ZEB2: variants seen among roughly 807,000 people sequenced by gnomAD.
ZEB2 encodes the protein zinc finger E-box binding homeobox 2.
A neutral mutation model predicts 99.9 loss-of-function variants in ZEB2; 6 were observed. The observed-to-expected ratio is 0.06, with a 90% CI of 0.03 to 0.12. The LOEUF is 0.12. Ranked by LOEUF, ZEB2 falls within the 10% of genes least tolerant of loss-of-function variation. The probability of loss-of-function intolerance (pLI) is 1.00; values close to 1 mark genes in which losing one functional copy is unlikely to be tolerated. For synonymous variants in ZEB2, 517 were observed against 542.5 expected, an observed-to-expected ratio of 0.95 and a Z score of 0.65; for missense variants, 969 against 1,502.8, an observed-to-expected ratio of 0.64 and a Z score of 5.87.
chr2:144,491,121 C>T (rs891534402), intron 2 of ZEB2, among the ~76,000 whole-genome samples: 4 of 152,214 alleles, frequency 2.6e-5, no homozygotes, highest in Admixed American at 6.5e-5. Context: ...ATTGGCAGGG[C>T]CTCTGGCCCT....
chr2:144,437,521 C>T (rs991457841), intron 2 of ZEB2, among the ~76,000 whole-genome samples: 3 of 152,086 alleles, frequency 2.0e-5, no homozygotes, highest in Admixed American at 1.3e-4. Context: ...TATTAAGGGG[C>T]TTTACAGAAA....
intron 2 of ZEB2, chr2:144,513,862 C>G (rs1705087350): frequency 2.6e-6 from 4 of 1,531,556 alleles, no homozygotes; most frequent in African/African-American, 1.4e-5. Context: ...TCCCCCTCCT[C>G]TCCAGCGTCA....
intron 2 of ZEB2, among the ~76,000 whole-genome samples, chr2:144,435,388 T>C (rs1025376097): frequency 6.6e-6 from 1 of 151,932 alleles, no homozygotes; most frequent in Non-Finnish European, 1.5e-5. Flanking sequence ...AGGGAGAATT[T>C]CTTGAGGTCA....
chr2:144,500,943 G>A (rs534004349), intron 2 of ZEB2, among the ~76,000 whole-genome samples: 46 of 152,096 alleles, frequency 3.0e-4, no homozygotes, highest in Non-Finnish European at 5.9e-4. Flanking sequence ...TCTACACTAT[G>A]ATACAATAAG....
At chr2:144,434,694 T>C (rs1229290470) in intron 2 of ZEB2, among the ~76,000 whole-genome samples, 1 of 152,218 alleles carries the variant, frequency 6.6e-6, no homozygotes, top group African/African-American at 2.4e-5. Flanking sequence ...GTTTTGATGA[T>C]TGTTACTTTC....
chr2:144,406,959 T>C (rs1703396236), intron 4 of ZEB2, among the ~76,000 whole-genome samples: 1 of 152,162 alleles, frequency 6.6e-6, no homozygotes, highest in East Asian at 1.9e-4. Context: ...TTCCTCAGAT[T>C]CATCTGGGAA....
intron 2 of ZEB2, among the ~76,000 whole-genome samples, chr2:144,449,953 C>G (rs1490456994): frequency 6.6e-6 from 1 of 152,172 alleles, no homozygotes; most frequent in Non-Finnish European, 1.5e-5. Flanking sequence ...TTGGGTGTTT[C>G]AGACATACAG....
Position 144,400,004 on chromosome 2 carries a change from G to C in ZEB2, c.1183C>G (p.Leu395Val), listed in dbSNP as rs1288005424. The C allele has an allele frequency of 6.2e-7, 1 of 1,614,194 alleles. No homozygotes were observed. The highest frequency in any genetic ancestry group is 1.1e-5 in the South Asian group (1 of 91,076). The change falls in exon 8 of 10, where the codon CTA (leucine) becomes GTA (valine). Residue 395 changes from leucine to valine, a missense_variant. Around this residue, in one of 8 missense-constraint regions of ZEB2, gnomAD observed 227 missense variants for 278.2 expected, o/e 0.82. Transcript: ENST00000627532. Reference protein sequence around the residue: ...TGLLKIKTEPLDFNDYKVLMA... With the variant: ...TGLLKIKTEPVDFNDYKVLMA... ...AGAACTTTATAGTCATTGAAGTCTA[G>C]TGGTTCTGTTTTAATTTTAAGTAAG...
intron 6 of ZEB2, among the ~76,000 whole-genome samples, chr2:144,401,986 A>G (rs1279639991): frequency 1.3e-5 from 2 of 152,324 alleles, no homozygotes; most frequent in Non-Finnish European, 2.9e-5. Flanking sequence ...AACGTAAGAG[A>G]CAACATCTTG....
chr2:144,447,444 T>C (rs183424947), intron 2 of ZEB2, among the ~76,000 whole-genome samples: 1 of 152,350 alleles, frequency 6.6e-6, no homozygotes, highest in Admixed American at 6.5e-5. Flanking sequence ...GTTGAGGGCC[T>C]ACAAATATGC....
chr2:144,410,006 G>A (rs2149881948), intron 4 of ZEB2, among the ~76,000 whole-genome samples: 1 of 151,444 alleles, frequency 6.6e-6, no homozygotes, highest in South Asian at 2.1e-4. Flanking sequence ...CCGTCTCCCA[G>A]GTTCACACTA....
At chr2:144,466,256 G>A (rs996460431) in intron 2 of ZEB2, among the ~76,000 whole-genome samples, 1 of 152,062 alleles carries the variant, frequency 6.6e-6, no homozygotes, top group African/African-American at 2.4e-5. Context: ...AATAGGCATC[G>A]TGCATACTGT....
chr2:144,401,069 A>G, intron 7 of ZEB2, 130 bp downstream of exon 7: 1 of 820,542 alleles, frequency 1.2e-6, no homozygotes. Flanking sequence ...AATCAGGCAC[A>G]CAGAGTTGAT....
chr2:144,396,310 C>T, intron 9 of ZEB2, 102 bp downstream of exon 9: 1 of 1,424,788 alleles, frequency 7.0e-7, no homozygotes, highest in Admixed American at 1.7e-5. Context: ...TTGAAGGTAT[C>T]AGCATATGTT....
At chr2:144,472,590 G>A (rs1314797794) in intron 2 of ZEB2, among the ~76,000 whole-genome samples, 2 of 152,148 alleles carry the variant, frequency 1.3e-5, no homozygotes, top group African/African-American at 2.4e-5. Context: ...GGAAGCTGAG[G>A]TGAAGTGCTG....
rs1381036096 is a variant in ZEB2 at position 144,404,833 on chromosome 2, C to T, written c.592+3G>A. 3 of 1,613,722 alleles carry T rather than the reference C, an allele frequency of 1.9e-6. No individual in the cohort carries two copies. The highest frequency in any genetic ancestry group is 1.7e-5 in the Admixed American group (1 of 60,008). On this transcript the variant is annotated splice_donor_region_variant and intron_variant, in intron 5 of 9. Coordinates refer to ENST00000627532, the MANE Select transcript of ZEB2 (RefSeq NM_014795.4). ...AGTGGCTAAAAATGATTTACAGCCT[C>T]ACCATTTTCTTCTTGCCCATTGGCC...
chr2:144,438,899 T>G (rs1703871030), intron 2 of ZEB2, among the ~76,000 whole-genome samples: 1 of 151,990 alleles, frequency 6.6e-6, no homozygotes, highest in Admixed American at 6.6e-5. Context: ...ACCTCACAAT[T>G]GACAAAACCA....
chr2:144,492,900 A>G (rs193155934), intron 2 of ZEB2, among the ~76,000 whole-genome samples: 1 of 152,312 alleles, frequency 6.6e-6, no homozygotes, highest in Admixed American at 6.5e-5. Flanking sequence ...TAACGAAACA[A>G]TTTTTGTATG....
chr2:144,487,018 AT>A (rs1704608503), intron 2 of ZEB2, among the ~76,000 whole-genome samples: 1 of 152,170 alleles, frequency 6.6e-6, no homozygotes, highest in African/African-American at 2.4e-5. Context: ...GAAACTTCAA[AT>A]CCTTATTATG....
Sources: allele counts gnomAD v4.1 joint callset (sites outside exome capture counted in the v4.1 genomes callset), GRCh38; gene constraint gnomAD v4.1.1; regional missense constraint gnomAD v4.1.1; transcripts MANE v1.5; gene names NCBI Gene and HGNC (gene_info 2026-07-23, HGNC 2026-07-21).